ADPRH: variants seen among roughly 807,000 people sequenced by gnomAD.
ADPRH encodes the protein ADP-ribosylarginine hydrolase, also known as ADP-ribose-L-arginine cleaving enzyme.
In ADPRH, 27 loss-of-function variants were observed where a neutral mutation model predicts 28.8. The observed-to-expected ratio is 0.94, with a 90% CI of 0.69 to 1.29. The LOEUF (loss-of-function observed/expected upper bound fraction) is 1.29. Ranked by LOEUF, ADPRH falls within the 50% of genes most tolerant of loss-of-function variation. The probability of loss-of-function intolerance (pLI) is 0.00; values close to 1 mark genes in which losing one functional copy is unlikely to be tolerated. For missense variants in ADPRH, 419 were observed against 444.8 expected, an observed-to-expected ratio of 0.94 and a Z score of 0.52; for synonymous variants, 161 against 166.9, an observed-to-expected ratio of 0.96 and a Z score of 0.27.
intron 3 of ADPRH, 97 bp downstream of exon 3, chr3:119,582,564 A>G: frequency 7.6e-7 from 1 of 1,310,984 alleles, no homozygotes; most frequent in Non-Finnish European, 1.1e-6. Flanking sequence ...TAACAGAGAC[A>G]ATAGTGTTTG....
At chr3:119,580,902 A>G (rs551945383) in intron 2 of ADPRH, among the ~76,000 whole-genome samples, 1 of 152,260 alleles carries the variant, frequency 6.6e-6, no homozygotes, top group South Asian at 2.1e-4. Context: ...CTAGAAGCTG[A>G]TCATTTCTAA....
intron 4 of ADPRH, 22 bp downstream of exon 4, chr3:119,586,667 C>T: frequency 1.2e-6 from 2 of 1,608,222 alleles, no homozygotes; most frequent in Non-Finnish European, 1.7e-6. Flanking sequence ...AGCGCACGCC[C>T]TGCTCAAACA....
chr3:119,581,555 TC>T (rs1433016997), intron 2 of ADPRH, among the ~76,000 whole-genome samples: 1 of 152,154 alleles, frequency 6.6e-6, no homozygotes, highest in Non-Finnish European at 1.5e-5. Flanking sequence ...AGATTTGGGT[TC>T]CAGTACTTCC....
chr3:119,582,602 C>T (rs1055474332), intron 3 of ADPRH, 135 bp downstream of exon 3: 5 of 1,081,506 alleles, frequency 4.6e-6, no homozygotes, highest in Non-Finnish European at 6.5e-6. Context: ...GAAATAACGG[C>T]CATGGTGGTG....
At position 119,582,234 on chromosome 3, in the gene ADPRH, G is replaced by A; in HGVS notation, c.65G>A (p.Gly22Glu). Residue 22 changes from glycine to glutamate, a missense_variant, in exon 3 of 5, where the codon GGG becomes GAG. Physicochemically the swap from Gly to Glu is moderately conservative, Grantham distance 98. Coordinates refer to ENST00000357003, the MANE Select transcript of ADPRH (RefSeq NM_001125.4). ...AAGDALGYYN[G>E]KWEFLQDGEK... Reference sequence around the variant, plus strand: ...GGAGATGCCCTGGGGTACTACAATGGGAAGTGGGAGTTCCTCCAGGATGGG... The same window carrying A: ...GGAGATGCCCTGGGGTACTACAATGAGAAGTGGGAGTTCCTCCAGGATGGG... 4 of 1,614,212 alleles carry A rather than the reference G, an allele frequency of 2.5e-6. No individual in the cohort carries two copies. The highest frequency in any genetic ancestry group is 3.4e-6 in the Non-Finnish European group (4 of 1,180,016).
At chr3:119,581,999 T>C (rs531451240) in intron 2 of ADPRH, 135 bp from the exon 3 acceptor site, 1 of 648,864 alleles carries the variant, frequency 1.5e-6, no homozygotes, top group South Asian at 2.3e-5. Flanking sequence ...AGAGCAGTGA[T>C]GAGGATTACA....
rs2082487097 is a variant in ADPRH, at chr3:119,588,555, G to T, written c.*677G>T. ...CCAAACCTTAGTGTCTTCAGGTAAA[G>T]ACTCAGAGATACTTGCAGGGGCAAG... On this transcript the variant is annotated 3_prime_UTR_variant, in exon 5 of 5. Transcript: ENST00000357003. The T allele has an allele frequency of 6.6e-6, 1 of 152,250 alleles. No homozygotes were observed. Among genetic ancestry groups the T allele is most frequent in the Non-Finnish European group, 1.5e-5 (1 of 68,072 alleles). The allele number at this position is 152,250 out of a possible 1,614,324, so 9.4% of individuals were successfully genotyped here. A position where few individuals can be genotyped will look rare whatever the true frequency, so the allele number is the denominator to read the frequency against.
At chr3:119,582,083 GA>G in intron 2 of ADPRH, 50 bp from the exon 3 acceptor site, 2 of 651,106 alleles carry the variant, frequency 3.1e-6, no homozygotes, top group East Asian at 3.9e-5. Flanking sequence ...TGTTTTTTCT[GA>G]TTCTTCTTGC....
chr3:119,584,867 C>T (rs1330612882), intron 3 of ADPRH, among the ~76,000 whole-genome samples: 1 of 152,208 alleles, frequency 6.6e-6, no homozygotes. Flanking sequence ...TGGCTGCCTC[C>T]TCGCTGTGTC....
chr3:119,584,197 T>C (rs960085497), intron 3 of ADPRH, among the ~76,000 whole-genome samples: 5 of 151,862 alleles, frequency 3.3e-5, no homozygotes, highest in Non-Finnish European at 5.9e-5. Flanking sequence ...TAGTTTTTTA[T>C]TTTTACTTAC....
At position 119,586,559 on chromosome 3, in the gene ADPRH, G is replaced by T; in HGVS notation, c.573G>T (p.Trp191Cys). ...TGAATAGCAGACCACCCTTGCAGTG[G>T]GGAAAAGGACTGATGGAGCTGCTAC... ...YAVNSRPPLQ[W>C]GKGLMELLPE... Residue 191 changes from tryptophan to cysteine, a missense_variant, in exon 4 of 5, where the codon TGG becomes TGT. Coordinates refer to ENST00000357003, the MANE Select transcript of ADPRH (RefSeq NM_001125.4). 1 of 1,614,126 alleles carries T rather than the reference G, an allele frequency of 6.2e-7. No individual in the cohort carries two copies. The highest frequency in any genetic ancestry group is 1.1e-5 in the South Asian group (1 of 91,072).
At chr3:119,587,437 TGAC>T (rs1443695018) in intron 4 of ADPRH, 24 bp from the exon 5 acceptor site, 2 of 1,478,930 alleles carry the variant, frequency 1.4e-6, no homozygotes, top group South Asian at 1.6e-5. Context: ...TTTTTTCAAT[TGAC>T]TCTAGATTTT....
At chr3:119,580,153 C>A (rs1219655269) in intron 1 of ADPRH, 1 of 152,254 alleles carries the variant, frequency 6.6e-6, no homozygotes, top group Non-Finnish European at 1.5e-5. Flanking sequence ...TTCCCCCATC[C>A]CAGCTTGCAA....
chr3:119,588,402 A>G lies in ADPRH; in HGVS notation c.*524A>G, dbSNP rs1323315685. 1.3e-5 allele frequency: 2 copies of G among 152,314 alleles called. No homozygotes were observed. Among genetic ancestry groups the G allele is most frequent in the Admixed American group, 6.5e-5 (1 of 15,290 alleles). 9.4% of individuals were successfully genotyped at this position (152,314 alleles called of 1,614,324 possible). ...GAGTCCTCTGCCTAAAGCATTCCTC[A>G]GAACTGTCCCATTTGAAGGGCAAGC... On this transcript the variant is annotated 3_prime_UTR_variant, in exon 5 of 5. Coordinates refer to ENST00000357003, the MANE Select transcript of ADPRH (RefSeq NM_001125.4).
intron 4 of ADPRH, 78 bp downstream of exon 4, chr3:119,586,723 T>C: frequency 6.4e-7 from 1 of 1,556,640 alleles, no homozygotes; most frequent in Non-Finnish European, 8.6e-7. Context: ...ATATGTCTTG[T>C]ATTCAGAGAT....
In ADPRH at chr3:119,587,511, T is replaced by A. The variant is rs760484709; in HGVS notation, c.707T>A (p.Ile236Asn). ...KWENYLKLRG[I>N]LDGESAPTFP... The stretch of plus-strand genomic sequence containing the variant: ...GAAAATTACCTAAAACTTAGAGGGA[T>A]TTTGGATGGAGAATCAGCCCCTACC... Residue 236 changes from isoleucine to asparagine, a missense_variant, in exon 5 of 5, where the codon ATT becomes AAT. Ile to Asn is a moderately radical substitution (Grantham distance 149). Coordinates refer to ENST00000357003, the MANE Select transcript of ADPRH (RefSeq NM_001125.4). 5 of 1,590,034 alleles carry A rather than the reference T, an allele frequency of 3.1e-6. No individual in the cohort carries two copies. The South Asian group carries it at 5.8e-5, about 18-fold the overall frequency.
At position 119,579,791 on chromosome 3, in the gene ADPRH, C is replaced by G. The variant is rs1281560113; in HGVS notation, c.-183C>G. ...CACCCGCAGCAGCCAAGGCCTCTTC[C>G]CCGGCCCCGGGAGCCCGCGCCACGC... is the stretch of plus-strand genomic sequence containing the variant. On this transcript the variant is annotated 5_prime_UTR_variant, in exon 1 of 5. Coordinates refer to ENST00000357003, the MANE Select transcript of ADPRH (RefSeq NM_001125.4). 1.3e-5 allele frequency: 2 copies of G among 153,514 alleles called. No individual in the cohort carries two copies. Among genetic ancestry groups the G allele is most frequent in the African/African-American group, 2.4e-5 (1 of 41,500 alleles). 9.5% of individuals were successfully genotyped at this position (153,514 alleles called of 1,614,324 possible).
At chr3:119,584,986 C>A (rs2082444895) in intron 3 of ADPRH, among the ~76,000 whole-genome samples, 1 of 152,132 alleles carries the variant, frequency 6.6e-6, no homozygotes, top group Non-Finnish European at 1.5e-5. Flanking sequence ...ACCCTAAAGG[C>A]CACATTTTAG....
In ADPRH at chr3:119,582,209, G is replaced by A. The variant is rs759350893; in HGVS notation, c.40G>A (p.Gly14Arg). ...YVAAMVLSAA[G>R]DALGYYNGKW... ...GGCTGCTATGGTGCTGAGTGCAGCT[G>A]GAGATGCCCTGGGGTACTACAATGG... The change falls in exon 3 of 5, where the codon GGA (glycine) becomes AGA (arginine). Residue 14 changes from glycine (G) to arginine (R), a missense_variant. Transcript: ENST00000357003. The A allele has an allele frequency of 6.2e-7, 1 of 1,613,504 alleles. No individual in the cohort carries two copies. The highest frequency in any genetic ancestry group is 1.1e-5 in the South Asian group (1 of 91,066).
Sources: gnomAD v4.1 joint callset for allele counts (sites outside exome capture counted in the v4.1 genomes callset) on GRCh38, gnomAD v4.1.1 for gene constraint, MANE v1.5 for transcripts, NCBI Gene and HGNC (gene_info 2026-07-23, HGNC 2026-07-21) for gene names.